SAMD12: variants seen among roughly 807,000 people sequenced by gnomAD.
SAMD12 encodes the protein sterile alpha motif domain-containing protein 12.
In SAMD12, 9 loss-of-function variants were observed where a neutral mutation model predicts 15.0. The observed-to-expected ratio is 0.60, with a 90% CI of 0.36 to 1.05. The LOEUF is 1.05. SAMD12 is among the 50% of genes least tolerant of loss of function. The pLI, the probability that SAMD12 is intolerant of heterozygous loss-of-function variation, is 0.01. For missense variants in SAMD12, 230 were observed against 234.2 expected (o/e 0.98, Z 0.12); for synonymous variants, 86 against 90.1 (o/e 0.96, Z 0.25).
chr8:118,369,516 G>T (rs1235919044), intron 4 of SAMD12, among the ~76,000 whole-genome samples: 1 of 152,100 alleles, frequency 6.6e-6, no homozygotes, highest in African/African-American at 2.4e-5. Context: ...AGGAGTTTGA[G>T]ACCAGCCTGG....
intron 4 of SAMD12, among the ~76,000 whole-genome samples, chr8:118,278,936 T>G (rs541944839): frequency 8.7e-4 from 133 of 152,316 alleles, no homozygotes; most frequent in African/African-American, 3.2e-3. Context: ...AATCCTTCTT[T>G]GTGTAAGGTT....
chr8:118,596,492 C>T (rs1827728033), intron 1 of SAMD12, among the ~76,000 whole-genome samples: 1 of 152,178 alleles, frequency 6.6e-6, no homozygotes, highest in Non-Finnish European at 1.5e-5. Flanking sequence ...GCCCACCTCC[C>T]ACCCAGGTCT....
At chr8:118,206,607 A>T (rs558710301) in intron 4 of SAMD12, among the ~76,000 whole-genome samples, 40 of 152,362 alleles carry the variant, frequency 2.6e-4, no homozygotes, top group African/African-American at 9.4e-4. Flanking sequence ...AATCTGTATA[A>T]TTACACATAT....
chr8:118,358,412 C>G (rs564258157), intron 4 of SAMD12, among the ~76,000 whole-genome samples: 1 of 152,258 alleles, frequency 6.6e-6, no homozygotes, highest in Admixed American at 6.5e-5. Flanking sequence ...ACCACTCTTT[C>G]AAATCGCATT....
chr8:118,595,310 A>G (rs1397397068), intron 1 of SAMD12, among the ~76,000 whole-genome samples: 1 of 152,226 alleles, frequency 6.6e-6, no homozygotes, highest in Non-Finnish European at 1.5e-5. Flanking sequence ...AAAATATTTT[A>G]CCAGTATTCT....
chr8:118,300,141 A>G (rs1814940110), intron 4 of SAMD12, among the ~76,000 whole-genome samples: 1 of 152,102 alleles, frequency 6.6e-6, no homozygotes. Flanking sequence ...CATCACCTCA[A>G]TCATTCATAA....
chr8:118,178,374 T>C, the SAMD12 span, among the ~76,000 whole-genome samples: 4 of 152,202 alleles, frequency 2.6e-5, 1 homozygote, highest in Non-Finnish European at 2.9e-5. Flanking sequence ...TTAGGAATTA[T>C]ATACTAAGTT....
intron 2 of SAMD12, among the ~76,000 whole-genome samples, chr8:118,526,264 G>A (rs1054697632): frequency 6.6e-6 from 1 of 152,022 alleles, no homozygotes; most frequent in East Asian, 1.9e-4. Flanking sequence ...TAATTATGCC[G>A]GAGGTCACAT....
chr8:118,520,970 T>C (rs1377727803), intron 2 of SAMD12, among the ~76,000 whole-genome samples: 1 of 152,194 alleles, frequency 6.6e-6, no homozygotes, highest in African/African-American at 2.4e-5. Context: ...TCAATCTTAT[T>C]TGCTCAAGCA....
At chr8:118,229,951 G>A (rs1247520423) in intron 4 of SAMD12, among the ~76,000 whole-genome samples, 2 of 152,052 alleles carry the variant, frequency 1.3e-5, no homozygotes, top group African/African-American at 4.8e-5. Context: ...CTCCTCCTGG[G>A]ATGTGATCTG....
intron 4 of SAMD12, among the ~76,000 whole-genome samples, chr8:118,303,248 G>A (rs930656194): frequency 2.6e-5 from 4 of 152,180 alleles, no homozygotes; most frequent in Non-Finnish European, 5.9e-5. Flanking sequence ...TCTTAGACAC[G>A]TTGTGCCAAT....
chr8:118,188,798 A>G (rs919255639), downstream of SAMD12, among the ~76,000 whole-genome samples: 1 of 152,036 alleles, frequency 6.6e-6, no homozygotes, highest in Non-Finnish European at 1.5e-5. Flanking sequence ...TTTGAGAAAA[A>G]TGGCCCTTTA....
At chr8:118,423,717 C>T (rs1246696641) in intron 3 of SAMD12, among the ~76,000 whole-genome samples, 1 of 152,074 alleles carries the variant, frequency 6.6e-6, no homozygotes, top group African/African-American at 2.4e-5. Flanking sequence ...CTGTTTTTGC[C>T]ACCTCTGGGC....
At chr8:118,404,751 T>A (rs140540508) in intron 3 of SAMD12, among the ~76,000 whole-genome samples, 1 of 152,206 alleles carries the variant, frequency 6.6e-6, no homozygotes, top group Non-Finnish European at 1.5e-5. Flanking sequence ...GAAAGGGTCA[T>A]CTGGGGATTT....
chr8:118,501,625 T>C (rs376448250), intron 2 of SAMD12, among the ~76,000 whole-genome samples: 48 of 152,306 alleles, frequency 3.2e-4, no homozygotes, highest in African/African-American at 1.1e-3. Flanking sequence ...GTTAGTCCCG[T>C]AGACTGCAAG....
At chr8:118,446,956 T>C (rs1448679676) in intron 2 of SAMD12, among the ~76,000 whole-genome samples, 8 of 152,182 alleles carry the variant, frequency 5.3e-5, no homozygotes, top group Admixed American at 5.2e-4. Flanking sequence ...ATAATAAATA[T>C]ATCAAACTCA....
chr8:118,485,784 A>G (rs917384524), intron 2 of SAMD12, among the ~76,000 whole-genome samples: 1 of 152,206 alleles, frequency 6.6e-6, no homozygotes, highest in Admixed American at 6.5e-5. Flanking sequence ...AATCATTACA[A>G]TTACTCAATA....
intron 4 of SAMD12, among the ~76,000 whole-genome samples, chr8:118,275,586 C>G (rs1455579307): frequency 1.3e-5 from 2 of 152,100 alleles, no homozygotes; most frequent in Non-Finnish European, 2.9e-5. Flanking sequence ...ATTCAGGAGG[C>G]ACATGTGCAG....
At chr8:118,366,600 G>C (rs1026722569) in intron 4 of SAMD12, among the ~76,000 whole-genome samples, 1 of 151,828 alleles carries the variant, frequency 6.6e-6, no homozygotes, top group African/African-American at 2.4e-5. Context: ...ATCACCTGAG[G>C]TCAGGAGTTC....
Sources: gnomAD v4.1 joint callset for allele counts (sites outside exome capture counted in the v4.1 genomes callset) on GRCh38, gnomAD v4.1.1 for gene constraint, MANE v1.5 for transcripts, NCBI Gene and HGNC (gene_info 2026-07-23, HGNC 2026-07-21) for gene names.